MCTP1: variants seen among roughly 807,000 people sequenced by gnomAD.
MCTP1 encodes multiple C2 and transmembrane domain containing 1.
Under a neutral mutation model 120.6 loss-of-function variants are expected in MCTP1, and 69 were observed. That is an observed-to-expected ratio of 0.57 (90% confidence interval 0.47 to 0.70). The LOEUF is 0.70. MCTP1 is among the 30% of genes least tolerant of loss of function. MCTP1 has a pLI of 0.00. For synonymous variants in MCTP1, 529 were observed against 493.1 expected (o/e 1.07, Z -0.96); for missense variants, 1,203 against 1,248.8 (o/e 0.96, Z 0.55).
chr5:94,832,992 C>A (rs975766444), intron 17 of MCTP1, among the ~76,000 whole-genome samples: 1 of 152,158 alleles, frequency 6.6e-6, no homozygotes, highest in Non-Finnish European at 1.5e-5. Context: ...GTGAGCTGTT[C>A]ATCTTTGTCT....
intron 1 of MCTP1, among the ~76,000 whole-genome samples, chr5:95,211,113 T>C (rs1432927929): frequency 6.6e-6 from 1 of 152,106 alleles, no homozygotes; most frequent in Non-Finnish European, 1.5e-5. Flanking sequence ...TAACATTTTT[T>C]CCTTCATTTC....
intron 18 of MCTP1, among the ~76,000 whole-genome samples, chr5:94,784,656 A>C (rs912195010): frequency 6.6e-6 from 1 of 152,058 alleles, no homozygotes; most frequent in African/African-American, 2.4e-5. Flanking sequence ...ATGGCTGCTT[A>C]GTTTGATTCA....
chr5:95,049,067 T>C (rs949952623), intron 1 of MCTP1, among the ~76,000 whole-genome samples: 3 of 152,154 alleles, frequency 2.0e-5, no homozygotes, highest in Non-Finnish European at 2.9e-5. Flanking sequence ...GATCTCATGC[T>C]TCTACTTTAT....
intron 2 of MCTP1, among the ~76,000 whole-genome samples, chr5:94,999,112 T>A (rs1833161997): frequency 6.6e-6 from 1 of 152,234 alleles, no homozygotes; most frequent in South Asian, 2.1e-4. Context: ...ATACTTTGTA[T>A]ACTTTATATT....
intron 1 of MCTP1, among the ~76,000 whole-genome samples, chr5:95,274,524 C>A (rs1334203857): frequency 2.0e-5 from 3 of 152,224 alleles, no homozygotes; most frequent in Non-Finnish European, 4.4e-5. Context: ...ACCTCTCCCT[C>A]TCCATAGGCT....
At position 94,707,257 on chromosome 5, in the gene MCTP1, T is replaced by A. The variant is rs1754877280; in HGVS notation, c.*239A>T. Reference sequence around the variant, plus strand: ...TTTGTTCTTTCAGTGTGTTATATTATTATCCACAGCTAACAAGGTTTTGAC... The same window carrying A: ...TTTGTTCTTTCAGTGTGTTATATTAATATCCACAGCTAACAAGGTTTTGAC... On this transcript the variant is annotated 3_prime_UTR_variant, in exon 23 of 23. Coordinates refer to ENST00000515393, the MANE Select transcript of MCTP1 (RefSeq NM_024717.7). 7.1e-6 allele frequency: 3 copies of A among 419,696 alleles called. No individual in the cohort carries two copies. The South Asian group carries it at 1.1e-4, about 16-fold the overall frequency. 26.0% of individuals were successfully genotyped at this position (419,696 alleles called of 1,614,324 possible). A position where few individuals can be genotyped will look rare whatever the true frequency, so the allele number is the denominator to read the frequency against.
At chr5:95,035,934 CT>C (rs1168301926) in intron 1 of MCTP1, among the ~76,000 whole-genome samples, 1 of 151,982 alleles carries the variant, frequency 6.6e-6, no homozygotes. Flanking sequence ...TTTTAGTACT[CT>C]TGTATTACTT....
At chr5:95,259,362 T>C (rs1032085363) in intron 1 of MCTP1, among the ~76,000 whole-genome samples, 1 of 152,152 alleles carries the variant, frequency 6.6e-6, no homozygotes, top group Admixed American at 6.5e-5. Flanking sequence ...AAAGCTTTGG[T>C]ATCCTGCCCA....
chr5:95,019,345 C>T (rs760665604), intron 1 of MCTP1, among the ~76,000 whole-genome samples: 28 of 151,998 alleles, frequency 1.8e-4, no homozygotes, highest in South Asian at 4.1e-4. Flanking sequence ...ATAGTCACCA[C>T]GCTGTGTATT....
At chr5:94,818,706 T>C (rs1784987719) in intron 17 of MCTP1, among the ~76,000 whole-genome samples, 2 of 152,216 alleles carry the variant, frequency 1.3e-5, no homozygotes, top group Non-Finnish European at 1.5e-5. Context: ...TCTTCTTTCT[T>C]CTTCTCAATG....
intron 19 of MCTP1, among the ~76,000 whole-genome samples, chr5:94,776,356 C>T (rs1338739646): frequency 6.6e-6 from 1 of 152,062 alleles, no homozygotes; most frequent in African/African-American, 2.4e-5. Context: ...TAAGTGAAAA[C>T]ATATGGATAG....
chr5:95,050,514 T>C (rs987106087), intron 1 of MCTP1, among the ~76,000 whole-genome samples: 6 of 152,176 alleles, frequency 3.9e-5, no homozygotes, highest in Non-Finnish European at 7.3e-5. Context: ...CACTTGCTTG[T>C]TGGGGGCACT....
chr5:94,982,867 G>T (rs542234185), intron 2 of MCTP1, among the ~76,000 whole-genome samples: 4 of 82,634 alleles, frequency 4.8e-5, no homozygotes, highest in Non-Finnish European at 1.1e-4. Context: ...CTACCTGGGG[G>T]ACAGAGCACA....
intron 11 of MCTP1, among the ~76,000 whole-genome samples, 154 bp downstream of exon 11, chr5:94,894,495 A>G (rs532758402): frequency 6.6e-6 from 1 of 152,336 alleles, no homozygotes; most frequent in South Asian, 2.1e-4. Context: ...ACTTCGGCAA[A>G]GGTCTGTGTG....
chr5:94,756,286 C>G (rs368435165), intron 19 of MCTP1, among the ~76,000 whole-genome samples: 7 of 152,204 alleles, frequency 4.6e-5, no homozygotes, highest in African/African-American at 1.7e-4. Flanking sequence ...CTCTTAACCA[C>G]TATGCTCTAC....
chr5:95,105,795 G>A (rs1261009181), intron 1 of MCTP1, among the ~76,000 whole-genome samples: 1 of 152,070 alleles, frequency 6.6e-6, no homozygotes, highest in African/African-American at 2.4e-5. Flanking sequence ...GTCTTTAAAA[G>A]AAAAGGAATT....
At chr5:94,977,623 C>T (rs911305027) in intron 2 of MCTP1, among the ~76,000 whole-genome samples, 1 of 152,062 alleles carries the variant, frequency 6.6e-6, no homozygotes, top group South Asian at 2.1e-4. Flanking sequence ...AAAAGACAGA[C>T]ATATAGTCCA....
chr5:94,738,987 C>T (rs1764904330), intron 19 of MCTP1, among the ~76,000 whole-genome samples: 1 of 152,218 alleles, frequency 6.6e-6, no homozygotes, highest in African/African-American at 2.4e-5. Flanking sequence ...TCAACAGCAG[C>T]AGTAGCTTCA....
At chr5:94,765,972 C>T (rs996350764) in intron 19 of MCTP1, among the ~76,000 whole-genome samples, 9 of 151,906 alleles carry the variant, frequency 5.9e-5, no homozygotes, top group Non-Finnish European at 7.4e-5. Context: ...AGGCCTGGTG[C>T]GGTGGCTCAC....
Sources: allele counts gnomAD v4.1 joint callset (sites outside exome capture counted in the v4.1 genomes callset), GRCh38; gene constraint gnomAD v4.1.1; transcripts MANE v1.5; gene names NCBI Gene and HGNC (gene_info 2026-07-23, HGNC 2026-07-21).